FKRP: variants seen among roughly 807,000 people sequenced by gnomAD.
The protein encoded by FKRP is fukutin related protein, also known as ribitol 5-phosphate transferase FKRP.
A neutral mutation model predicts 30.6 loss-of-function variants in FKRP; 25 were observed. That is an observed-to-expected ratio of 0.82 (90% confidence interval 0.60 to 1.14). The LOEUF (loss-of-function observed/expected upper bound fraction) is 1.14. Ranked by LOEUF, FKRP falls within the 50% of genes most tolerant of loss-of-function variation. The pLI is 0.00. For missense variants in FKRP, 771 were observed against 727.8 expected (o/e 1.06, Z -0.68); for synonymous variants, 358 against 342.5 (o/e 1.05, Z -0.50).
At chr19:46,746,503 C>CT (rs1555735909) in intron 1 of FKRP, 15 of 821,836 alleles carry the variant, frequency 1.8e-5, no homozygotes, top group African/African-American at 1.4e-4. Context: ...ACCCCCCCCC[C>CT]TCCCCCGCCG....
At chr19:46,752,856 C>T (rs1034883512) in intron 3 of FKRP, among the ~76,000 whole-genome samples, 8 of 151,896 alleles carry the variant, frequency 5.3e-5, no homozygotes, top group Admixed American at 6.6e-5. Context: ...CAGAGCAAGA[C>T]GCTGTCCGTT....
intron 3 of FKRP, among the ~76,000 whole-genome samples, chr19:46,749,567 A>C: frequency 6.6e-6 from 1 of 151,528 alleles, no homozygotes. Flanking sequence ...TCTACTAAAA[A>C]TACAAAAATT....
At position 46,756,371 on chromosome 19, in the gene FKRP, C is replaced by T; in HGVS notation, c.921C>T (p.Tyr307=). The T allele has an allele frequency of 1.3e-6, 2 of 1,562,972 alleles. No homozygotes were observed. The highest frequency in any genetic ancestry group is 8.7e-7 in the Non-Finnish European group (1 of 1,155,770). Residue 307 remains tyrosine, a synonymous_variant, in exon 4 of 4, where the codon TAC becomes TAT. Transcript: ENST00000318584. The surrounding 1 kb of genome is among the most constrained non-coding windows in gnomAD (Gnocchi z 6.6). Reference sequence around the variant, plus strand: ...CCGTGGTGGGCGACACGCCCGCCTACCTCTACGAGGAGCGCTGGACGCCCC... The same window carrying T: ...CCGTGGTGGGCGACACGCCCGCCTATCTCTACGAGGAGCGCTGGACGCCCC... The part of the protein sequence containing the change: ...FGTVVGDTPA[Y]LYEERWTPPC...
Position 46,755,468 on chromosome 19 carries a change from C to T in FKRP, c.18C>T (p.Cys6=), listed in dbSNP as rs373388363. The T allele has an allele frequency of 3.1e-6, 5 of 1,607,918 alleles. No homozygotes were observed. The African/African-American group carries it at 5.3e-5, about 17-fold the overall frequency. The part of the protein sequence containing the change: MRLTR[C]QAALAAAITL... Reference sequence around the variant, plus strand: ...TCGGCCCCATGCGGCTCACCCGCTGCCAGGCTGCCCTGGCGGCCGCCATCA... The same window carrying T: ...TCGGCCCCATGCGGCTCACCCGCTGTCAGGCTGCCCTGGCGGCCGCCATCA... Residue 6 remains cysteine, a synonymous_variant, in exon 4 of 4, where the codon TGC becomes TGT. Transcript: ENST00000318584.
In FKRP at chr19:46,756,390, A is replaced by ACGCC; in HGVS notation, c.942_945dup (p.Pro316AlafsTer75). On this transcript the variant is annotated frameshift_variant, in exon 4 of 4. Transcript: ENST00000318584. LOFTEE classifies it high-confidence loss of function. The surrounding 1 kb of genome is among the most constrained non-coding windows in gnomAD (Gnocchi z 6.6). ...CGCCTACCTCTACGAGGAGCGCTGG[A>ACGCC]CGCCCCCCTGCTGCCTGCGCGCGCT... 1 of 1,566,474 alleles carries ACGCC rather than the reference A, an allele frequency of 6.4e-7. No homozygotes were observed. The highest frequency in any genetic ancestry group is 1.3e-5 in the African/African-American group (1 of 74,104).
chr19:46,755,850 C>A lies in FKRP; in HGVS notation c.400C>A (p.Arg134=). 6.7e-7 allele frequency: 1 copy of A among 1,490,204 alleles called. No individual in the cohort carries two copies. The highest frequency in any genetic ancestry group is 8.9e-7 in the Non-Finnish European group (1 of 1,122,962). 92.3% of individuals were successfully genotyped at this position (1,490,204 alleles called of 1,614,324 possible). The change falls in exon 4 of 4, where the codon CGG becomes AGG. Residue 134 remains arginine (R), a synonymous_variant. Transcript: ENST00000318584. ...TGTGGCCCTAGTACCTGATGGGGCG[C>A]GGGCTGAGGCACCTGGCCTGCTGGA... ...EFVALVPDGA[R]AEAPGLLERM... is the part of the protein sequence containing the mutation.
chr19:46,756,982 T>C lies in FKRP; in HGVS notation c.*44T>C. The C allele has an allele frequency of 1.9e-6, 3 of 1,608,592 alleles. No homozygotes were observed. Among genetic ancestry groups the C allele is most frequent in the Non-Finnish European group, 2.5e-6 (3 of 1,177,830 alleles). On this transcript the variant is annotated 3_prime_UTR_variant, in exon 4 of 4. Transcript: ENST00000318584. The surrounding 1 kb of genome is among the most constrained non-coding windows in gnomAD (Gnocchi z 6.6). ...TTTGTTTTTCGGGGGTCTGTCTGGATGTGGAGAAGCTCTGTGTGAGCGGTG... is the reference window on the plus strand; with the variant it reads ...TTTGTTTTTCGGGGGTCTGTCTGGACGTGGAGAAGCTCTGTGTGAGCGGTG...
In FKRP at chr19:46,756,918, A is replaced by G; in HGVS notation, c.1468A>G (p.Ser490Gly). 2 of 1,613,000 alleles carry G rather than the reference A, an allele frequency of 1.2e-6. No homozygotes were observed. Among genetic ancestry groups the G allele is most frequent in the South Asian group, 2.2e-5 (2 of 91,026 alleles). ...NPQYPNPALL[S>G]LTGSG ...CCAGTACCCCAACCCGGCACTGCTG[A>G]GTCTGACGGGAAGCGGCTGAAGCCC... Residue 490 changes from serine (S) to glycine (G), a missense_variant, in exon 4 of 4, where the codon AGT becomes GGT. Ser to Gly is a moderately conservative substitution (Grantham distance 56, BLOSUM62 0). Coordinates refer to ENST00000318584, the MANE Select transcript of FKRP (RefSeq NM_024301.5). The surrounding 1 kb of genome is among the most constrained non-coding windows in gnomAD (Gnocchi z 6.6).
chr19:46,755,991 C>T lies in FKRP; in HGVS notation c.541C>T (p.Arg181Cys), dbSNP rs777245868. 5.8e-6 allele frequency: 9 copies of T among 1,545,414 alleles called. No homozygotes were observed. The highest frequency in any genetic ancestry group is 2.7e-5 in the African/African-American group (2 of 73,104). The change falls in exon 4 of 4, where the codon CGC becomes TGC. Residue 181 changes from arginine (R) to cysteine (C), a missense_variant. Coordinates refer to ENST00000318584, the MANE Select transcript of FKRP (RefSeq NM_024301.5). Reference sequence around the variant, plus strand: ...CGTCAGCCTGCGAGAGTGGACCGCCCGCTATGGCGCAGCCCCCGCCGCGCC... The same window carrying T: ...CGTCAGCCTGCGAGAGTGGACCGCCTGCTATGGCGCAGCCCCCGCCGCGCC... ...LNVSLREWTA[R>C]YGAAPAAPRC...
Position 46,756,014 on chromosome 19 carries a change from GC to G in FKRP, c.568del (p.Arg190AlafsTer49). The G allele has an allele frequency of 6.4e-7, 1 of 1,570,212 alleles. No homozygotes were observed. The highest frequency in any genetic ancestry group is 8.6e-7 in the Non-Finnish European group (1 of 1,166,904). On this transcript the variant is annotated frameshift_variant, in exon 4 of 4. Coordinates refer to ENST00000318584, the MANE Select transcript of FKRP (RefSeq NM_024301.5). LOFTEE classifies it high-confidence loss of function. The surrounding 1 kb of genome is among the most constrained non-coding windows in gnomAD (Gnocchi z 6.6). ...CCCGCTATGGCGCAGCCCCCGCCGCGCCCCGCTGCGACGCCCTGGACGGAGA... is the reference window on the plus strand; with the variant it reads ...CCCGCTATGGCGCAGCCCCCGCCGCGCCCGCTGCGACGCCCTGGACGGAGA... ...TARYGAAPAA[P>X]RCDALDGDAV... is the part of the protein sequence containing the mutation.
Position 46,757,491 on chromosome 19 carries a change from C to G in FKRP, c.*553C>G, listed in dbSNP as rs2054952162. 1.1e-5 allele frequency: 2 copies of G among 176,156 alleles called. No individual in the cohort carries two copies. Among genetic ancestry groups the G allele is most frequent in the Non-Finnish European group, 1.4e-5 (1 of 73,564 alleles). The allele number at this position is 176,156 out of a possible 1,614,324, so 10.9% of individuals were successfully genotyped here. ...TTGCTTCCGCCACTAGAGGGCGCGC[C>G]GGTCCCGCTCCTGGTGGCCCACTGT... On this transcript the variant is annotated 3_prime_UTR_variant, in exon 4 of 4. Coordinates refer to ENST00000318584, the MANE Select transcript of FKRP (RefSeq NM_024301.5).
rs1477990880 is a variant in FKRP at position 46,755,700 on chromosome 19, G to A, written c.250G>A (p.Asp84Asn). The A allele has an allele frequency of 1.3e-5, 20 of 1,582,258 alleles. No homozygotes were observed. The highest frequency in any genetic ancestry group is 1.7e-5 in the Non-Finnish European group (20 of 1,170,770). Residue 84 changes from aspartate to asparagine, a missense_variant, in exon 4 of 4, where the codon GAC (aspartate) becomes AAC (asparagine). By Grantham distance (23) the Asp-to-Asn change is conservative. Transcript: ENST00000318584. ...DPAQPVVVAA[D>N]TLPYPPLALP... ...AGCCCAGCCCGTGGTGGTGGCAGCC[G>A]ACACGCTCCCCTACCCGCCCCTGGC...
rs756205019 is a variant in FKRP at position 46,755,533 on chromosome 19, A to T, written c.83A>T (p.Gln28Leu). The T allele has an allele frequency of 6.2e-6, 10 of 1,609,512 alleles. No homozygotes were observed. Among genetic ancestry groups the T allele is most frequent in the Non-Finnish European group, 8.5e-6 (10 of 1,178,364 alleles). Residue 28 changes from glutamine (Q) to leucine (L), a missense_variant, in exon 4 of 4, where the codon CAG becomes CTG. Transcript: ENST00000318584. Reference protein sequence around the residue: ...LLVLFYVSWLQHQPRNSRARG... With the variant: ...LLVLFYVSWLLHQPRNSRARG... The stretch of plus-strand genomic sequence containing the variant: ...GTCCTCTTCTATGTCTCGTGGCTGC[A>T]GCACCAGCCTAGGAATTCCCGGGCC...
At position 46,756,833 on chromosome 19, in the gene FKRP, G is replaced by T. The variant is rs759585825; in HGVS notation, c.1383G>T (p.Ala461=). 5.0e-6 allele frequency: 8 copies of T among 1,600,132 alleles called. No individual in the cohort carries two copies. Among genetic ancestry groups the T allele is most frequent in the South Asian group, 1.1e-5 (1 of 89,398 alleles). Residue 461 remains alanine, a synonymous_variant, in exon 4 of 4, where the codon GCG becomes GCT. Coordinates refer to ENST00000318584, the MANE Select transcript of FKRP (RefSeq NM_024301.5). This position sits in a 1 kb window ranked among gnomAD's most constrained non-coding sequence, Gnocchi z 6.6. ...PLPFAGFVAQ[A]PNNYRRFLEL... ...CCTTTGCCGGCTTCGTGGCGCAGGC[G>T]CCTAACAACTACCGCCGCTTCCTGG...
rs1450841129 is a variant in FKRP at position 46,756,466 on chromosome 19, G to A, written c.1016G>A (p.Arg339His). 7 of 1,579,682 alleles carry A rather than the reference G, an allele frequency of 4.4e-6. No homozygotes were observed. The highest frequency in any genetic ancestry group is 6.0e-6 in the Non-Finnish European group (7 of 1,163,828). The change falls in exon 4 of 4, where the codon CGC (arginine) becomes CAC (histidine). Residue 339 changes from arginine to histidine, a missense_variant. Physicochemically the swap from Arg to His is conservative, Grantham distance 29. Coordinates refer to ENST00000318584, the MANE Select transcript of FKRP (RefSeq NM_024301.5). The surrounding 1 kb of genome is among the most constrained non-coding windows in gnomAD (Gnocchi z 6.6). ...GGCGTGCTGGAGGCTGCGGGCGTGCGCTACTGGCTCGAGGGCGGCTCACTG... is the reference window on the plus strand; with the variant it reads ...GGCGTGCTGGAGGCTGCGGGCGTGCACTACTGGCTCGAGGGCGGCTCACTG... The part of the protein sequence containing the change: ...VVGVLEAAGV[R>H]YWLEGGSLLG...
intron 2 of FKRP, among the ~76,000 whole-genome samples, 196 bp from the exon 3 acceptor site, chr19:46,748,319 A>C (rs941924651): frequency 3.0e-4 from 45 of 152,170 alleles, no homozygotes; most frequent in Non-Finnish European, 2.5e-4. Flanking sequence ...CTGGGATTAC[A>C]GGCACCTGCC....
intron 3 of FKRP, among the ~76,000 whole-genome samples, chr19:46,753,287 G>A (rs1036350940): frequency 4.1e-5 from 4 of 96,892 alleles, no homozygotes; most frequent in South Asian, 6.9e-4. Flanking sequence ...CCAACATCCC[G>A]TCTCTACTAA....
chr19:46,754,343 C>A lies in FKRP; in HGVS notation c.-39-1069C>A, dbSNP rs1413359417. The A allele has an allele frequency of 4.7e-5, 7 of 148,204 alleles. No individual in the cohort carries two copies. In the South Asian group the frequency reaches 1.5e-3, roughly 31 times the overall value. The allele number at this position is 148,204 out of a possible 1,614,324, so 9.2% of individuals were successfully genotyped here. Reference sequence around the variant, plus strand: ...GTGAGTCACTGTACCTGGCCCACCCCACTTTTGTTTTTTCTTTTTTTTTTT... The same window carrying A: ...GTGAGTCACTGTACCTGGCCCACCCAACTTTTGTTTTTTCTTTTTTTTTTT... On this transcript the variant is annotated intron_variant, in intron 3 of 3. Transcript: ENST00000318584.
At position 46,755,925 on chromosome 19, in the gene FKRP, C is replaced by A. The variant is rs994701905; in HGVS notation, c.475C>A (p.Pro159Thr). The A allele has an allele frequency of 6.5e-7, 1 of 1,530,148 alleles. No homozygotes were observed. The highest frequency in any genetic ancestry group is 2.5e-5 in the East Asian group (1 of 40,616). 94.8% of individuals were successfully genotyped at this position (1,530,148 alleles called of 1,614,324 possible). The change falls in exon 4 of 4, where the codon CCG becomes ACG. Residue 159 changes from proline to threonine, a missense_variant. Coordinates refer to ENST00000318584, the MANE Select transcript of FKRP (RefSeq NM_024301.5). ...AGGAAGCGCACGTCTGGTGGCCGCC[C>A]CGGTTGCCACGGCCAACCCTGCCAG... ...RAGSARLVAA[P>T]VATANPARCL...
Sources: allele counts gnomAD v4.1 joint callset (sites outside exome capture counted in the v4.1 genomes callset), GRCh38; gene constraint gnomAD v4.1.1; non-coding constraint Gnocchi (gnomAD v3.1); transcripts MANE v1.5; gene names NCBI Gene and HGNC (gene_info 2026-07-23, HGNC 2026-07-21).